Variants in CTNND2 observed in about 807,000 individuals in gnomAD.
CTNND2 encodes catenin delta 2, also known as catenin delta-2.
CTNND2 carries 22 observed loss-of-function variants against 144.4 expected under a neutral mutation model. The ratio of observed to expected loss-of-function variants is 0.15; its 90% CI spans 0.11 to 0.22. The LOEUF is 0.22. CTNND2 is among the 10% of genes least tolerant of loss of function. The pLI, the probability that CTNND2 is intolerant of heterozygous loss-of-function variation, is 1.00. For synonymous variants in CTNND2, 751 were observed against 695.6 expected (o/e 1.08, Z -1.25); for missense variants, 1,353 against 1,618.8 (o/e 0.84, Z 2.82).
At chr5:11,301,124 C>G (rs562938529) in intron 9 of CTNND2, among the ~76,000 whole-genome samples, 1 of 152,104 alleles carries the variant, frequency 6.6e-6, no homozygotes, top group Non-Finnish European at 1.5e-5. Flanking sequence ...TCAAGCAATT[C>G]TCCTATGTCA....
intron 12 of CTNND2, among the ~76,000 whole-genome samples, chr5:11,143,004 T>C (rs1220280543): frequency 6.6e-6 from 1 of 152,196 alleles, no homozygotes. Context: ...TGAGGCAGTG[T>C]GTGATGCATG....
At chr5:11,771,192 C>CTTTTTT (rs34686102) in intron 1 of CTNND2, among the ~76,000 whole-genome samples, 75,062 of 104,096 alleles carry the variant, frequency 0.72, 29,914 homozygotes, top group Middle Eastern at 0.9. Flanking sequence ...ACATTGTTAG[C>CTTTTTT]TTTTTTTTTT....
chr5:11,049,841 A>T (rs949412946), intron 16 of CTNND2, among the ~76,000 whole-genome samples: 1 of 152,220 alleles, frequency 6.6e-6, no homozygotes, highest in African/African-American at 2.4e-5. Flanking sequence ...TAGTAGTTTC[A>T]TTTAAATACT....
In CTNND2 at chr5:11,263,456, A is replaced by G. The variant is rs183092831; in HGVS notation, c.1629-26633T>C. Among the ~76,000 whole-genome samples, 11 of 152,288 alleles carry G rather than the reference A, an allele frequency of 7.2e-5. No homozygotes were observed. In the East Asian group the frequency reaches 2.1e-3, roughly 29 times the overall value. ...GCTCATGAAATGATAGTCAATAAAA[A>G]AAGATATAAATCCATATTGGAACTA... On this transcript the variant is annotated intron_variant, in intron 9 of 21. Transcript: ENST00000304623.
chr5:11,892,230 A>G lies in CTNND2; in HGVS notation c.37+11587T>C, dbSNP rs535360413. Among the ~76,000 whole-genome samples, 11 of 152,298 alleles carry G rather than the reference A, an allele frequency of 7.2e-5. No homozygotes were observed. The East Asian group carries it at 2.1e-3, about 29-fold the overall frequency. On this transcript the variant is annotated intron_variant, in intron 1 of 21. Coordinates refer to ENST00000304623, the MANE Select transcript of CTNND2 (RefSeq NM_001332.4). ...TGTTGATGATGGTGAACTTTTCCAC[A>G]TGCCAATGATTTCATGCAAAGAGTA...
intron 1 of CTNND2, among the ~76,000 whole-genome samples, chr5:11,832,272 G>T (rs1370683694): frequency 6.6e-6 from 1 of 151,450 alleles, no homozygotes; most frequent in Admixed American, 6.6e-5. Context: ...AACAGAGCGA[G>T]ATTCCATCTC....
chr5:11,598,082 T>A (rs1325310277), intron 2 of CTNND2, among the ~76,000 whole-genome samples: 1 of 152,198 alleles, frequency 6.6e-6, no homozygotes, highest in African/African-American at 2.4e-5. Context: ...ATTGTTTCTG[T>A]GTACATCCAA....
chr5:11,268,142 G>A (rs759557112), intron 9 of CTNND2, among the ~76,000 whole-genome samples: 2 of 152,200 alleles, frequency 1.3e-5, no homozygotes, highest in Non-Finnish European at 2.9e-5. Flanking sequence ...ATCCAGGTAG[G>A]TGCCATGAGG....
At chr5:11,640,845 T>C (rs933279187) in intron 2 of CTNND2, among the ~76,000 whole-genome samples, 3 of 152,224 alleles carry the variant, frequency 2.0e-5, no homozygotes, top group Admixed American at 1.3e-4. Flanking sequence ...AATCATTATC[T>C]TGGACAGAGC....
intron 11 of CTNND2, among the ~76,000 whole-genome samples, chr5:11,163,322 C>T (rs1032704536): frequency 2.6e-5 from 4 of 152,260 alleles, no homozygotes; most frequent in East Asian, 3.9e-4. Flanking sequence ...AGCATGGCAA[C>T]GAACTAGGGC....
intron 3 of CTNND2, among the ~76,000 whole-genome samples, chr5:11,441,158 T>A (rs1229170835): frequency 6.6e-6 from 1 of 152,166 alleles, no homozygotes; most frequent in East Asian, 1.9e-4. Context: ...GGTAATTACT[T>A]TTTGTTACTG....
At chr5:11,820,153 T>A (rs963710694) in intron 1 of CTNND2, among the ~76,000 whole-genome samples, 2 of 152,188 alleles carry the variant, frequency 1.3e-5, no homozygotes, top group Non-Finnish European at 2.9e-5. Flanking sequence ...CGAAACCCCA[T>A]AGCATAACCT....
rs568429104 is a variant in CTNND2 at position 11,124,775 on chromosome 5, GT to G, written c.2160-7209del. 3.9e-3 allele frequency among the ~76,000 whole-genome samples: 591 copies of G among 152,238 alleles called. 4 individuals carry two copies. Among genetic ancestry groups the G allele is most frequent in the African/African-American group, 0.014 (564 of 41,554 alleles). ...GGTGTCTGTGAACTCCTGATATTTT[GT>G]TCCAAGTTTTGTATATTTTTATATG... On this transcript the variant is annotated intron_variant, in intron 12 of 21. Transcript: ENST00000304623.
intron 2 of CTNND2, among the ~76,000 whole-genome samples, chr5:11,691,680 G>A (rs1265483823): frequency 1.3e-5 from 2 of 152,160 alleles, no homozygotes; most frequent in Non-Finnish European, 2.9e-5. Flanking sequence ...TGAGGTGGGA[G>A]GATTACTTCA....
intron 2 of CTNND2, among the ~76,000 whole-genome samples, chr5:11,726,113 C>T (rs1787002927): frequency 6.6e-6 from 1 of 152,000 alleles, no homozygotes; most frequent in African/African-American, 2.4e-5. Flanking sequence ...CAAACCTTTG[C>T]TCCAGGCAGT....
intron 2 of CTNND2, among the ~76,000 whole-genome samples, chr5:11,694,935 T>C (rs1269378895): frequency 6.6e-6 from 1 of 152,236 alleles, no homozygotes; most frequent in Non-Finnish European, 1.5e-5. Context: ...TCATCTTAAA[T>C]GTATATGGTA....
chr5:11,774,092 T>A (rs1790105764), intron 1 of CTNND2, among the ~76,000 whole-genome samples: 1 of 152,128 alleles, frequency 6.6e-6, no homozygotes, highest in African/African-American at 2.4e-5. Context: ...ATTCAAGTAG[T>A]TGTTTTACAA....
chr5:11,593,181 G>A (rs989275062), intron 2 of CTNND2, among the ~76,000 whole-genome samples: 2 of 151,678 alleles, frequency 1.3e-5, no homozygotes, highest in Admixed American at 1.3e-4. Flanking sequence ...GACACAAAAT[G>A]AGCTAACCAT....
intron 13 of CTNND2, among the ~76,000 whole-genome samples, chr5:11,111,480 G>A (rs569879197): frequency 6.6e-6 from 1 of 152,298 alleles, no homozygotes; most frequent in African/African-American, 2.4e-5. Flanking sequence ...GCCCACCGGA[G>A]CATTTTCCGA....
Sources: allele counts gnomAD v4.1 joint callset (sites outside exome capture counted in the v4.1 genomes callset), GRCh38; gene constraint gnomAD v4.1.1; transcripts MANE v1.5; gene names NCBI Gene and HGNC (gene_info 2026-07-23, HGNC 2026-07-21).